ETS1: variants seen among roughly 807,000 people sequenced by gnomAD.
ETS1 encodes the protein ETS proto-oncogene 1, transcription factor, also known as protein C-ets-1.
ETS1 carries 15 observed loss-of-function variants against 58.6 expected under a neutral mutation model. That is an observed-to-expected ratio of 0.26 (90% CI 0.17 to 0.39). The LOEUF (loss-of-function observed/expected upper bound fraction) is 0.39. Among genes scored for constraint, ETS1 ranks in the 10% least tolerant of loss-of-function variants. ETS1 has a pLI of 1.00. For missense variants in ETS1, 417 were observed against 610.5 expected, an observed-to-expected ratio of 0.68 and a Z score of 3.34; for synonymous variants, 214 against 218.2, an observed-to-expected ratio of 0.98 and a Z score of 0.17.
chr11:128,480,503 A>AGGG (rs758294867), intron 7 of ETS1, 52 bp from the exon 8 acceptor site: 1 of 1,280,938 alleles, frequency 7.8e-7, no homozygotes, highest in African/African-American at 1.5e-5. Context: ...GGGAGTGGGA[A>AGGG]AAAAAAAAAA....
intron 2 of ETS1, among the ~76,000 whole-genome samples, chr11:128,559,287 G>T (rs1464173808): frequency 1.3e-5 from 2 of 152,200 alleles, no homozygotes; most frequent in Admixed American, 1.3e-4. Flanking sequence ...AATGTGCAGA[G>T]GACAGAGAAG....
chr11:128,485,307 G>A lies in ETS1; in HGVS notation c.614-236C>T, dbSNP rs187402614. On this transcript the variant is annotated intron_variant, in intron 6 of 9. Coordinates refer to ENST00000392668, the MANE Select transcript of ETS1 (RefSeq NM_001143820.2). ...TCATCTCTAAAATGGGGGTGATTGCGATTTTTCCCGGAGCACTGTGATGAA... is the reference window on the plus strand; with the variant it reads ...TCATCTCTAAAATGGGGGTGATTGCAATTTTTCCCGGAGCACTGTGATGAA... Among the ~76,000 whole-genome samples the A allele has an allele frequency of 5.3e-5, 8 of 152,274 alleles. No homozygotes were observed. The East Asian group carries it at 9.6e-4, about 18-fold the overall frequency.
chr11:128,563,690 A>G (rs1484025788), intron 2 of ETS1, among the ~76,000 whole-genome samples: 1 of 152,224 alleles, frequency 6.6e-6, no homozygotes, highest in Non-Finnish European at 1.5e-5. Context: ...GGTCTGTGAC[A>G]TACAATGTGC....
intron 7 of ETS1, among the ~76,000 whole-genome samples, chr11:128,484,073 T>C (rs575223463): frequency 2.0e-5 from 3 of 152,366 alleles, no homozygotes; most frequent in South Asian, 4.1e-4. Flanking sequence ...TTATGTCCTG[T>C]TCCTAAAAAT....
chr11:128,472,561 C>T (rs1862214873), intron 8 of ETS1, among the ~76,000 whole-genome samples: 1 of 152,242 alleles, frequency 6.6e-6, no homozygotes, highest in African/African-American at 2.4e-5. Flanking sequence ...CTGTTCTACT[C>T]AGTTCTCCTG....
chr11:128,464,442 T>C lies in ETS1; in HGVS notation c.1124-815A>G, dbSNP rs1304326234. ...ACACTCTGACAGTCAATTTATTCTA[T>C]GCTAAAAGGTTTATATCACACCGAT... On this transcript the variant is annotated intron_variant, in intron 8 of 9. Coordinates refer to ENST00000392668, the MANE Select transcript of ETS1 (RefSeq NM_001143820.2). The surrounding 1 kb of genome is among the most constrained non-coding windows in gnomAD (Gnocchi z 4.1). 1.3e-5 allele frequency among the ~76,000 whole-genome samples: 2 copies of C among 152,094 alleles called. No individual in the cohort carries two copies. Among genetic ancestry groups the C allele is most frequent in the East Asian group, 1.9e-4 (1 of 5,170 alleles).
chr11:128,468,950 T>C (rs1565366183), intron 8 of ETS1, among the ~76,000 whole-genome samples: 1 of 152,218 alleles, frequency 6.6e-6, no homozygotes, highest in African/African-American at 2.4e-5. Context: ...CCAGGTATGA[T>C]AGCTTGTCTT....
intron 3 of ETS1, among the ~76,000 whole-genome samples, chr11:128,548,634 T>C (rs1372933460): frequency 2.0e-5 from 3 of 152,266 alleles, no homozygotes; most frequent in Admixed American, 2.0e-4. Flanking sequence ...GTCTATTTCT[T>C]AAGCCCCGCT....
chr11:128,493,029 T>A (rs1862844532), intron 3 of ETS1, among the ~76,000 whole-genome samples: 1 of 152,142 alleles, frequency 6.6e-6, no homozygotes, highest in African/African-American at 2.4e-5. Flanking sequence ...GTTCCCTCCA[T>A]TAGATTTATG....
intron 1 of ETS1, among the ~76,000 whole-genome samples, chr11:128,584,991 G>GGAAAGAAAGA (rs1864953947): frequency 2.5e-4 from 3 of 11,806 alleles, no homozygotes; most frequent in Non-Finnish European, 3.5e-4. Context: ...AGAAAGAAAG[G>GGAAAGAAAGA]AAGGAAGGAA....
chr11:128,517,785 G>A (rs936385652), intron 3 of ETS1, among the ~76,000 whole-genome samples: 1 of 152,244 alleles, frequency 6.6e-6, no homozygotes. Flanking sequence ...CCTGGGCTCC[G>A]GGAGGTTGAC....
At chr11:128,574,164 AG>A (rs144105945) in intron 1 of ETS1, among the ~76,000 whole-genome samples, 10,471 of 152,316 alleles carry the variant, frequency 0.069, 528 homozygotes, top group South Asian at 0.14. Flanking sequence ...ATAGTTAAAC[AG>A]GCTTGGCAAT....
rs7126763 is a variant in ETS1, at chr11:128,546,460, C to T, written c.214+9831G>A. On this transcript the variant is annotated intron_variant, in intron 3 of 9. Coordinates refer to ENST00000392668, the MANE Select transcript of ETS1 (RefSeq NM_001143820.2). ...TACCAAAATTCATATACGCTCAAGT[C>T]CCTGATATAAAATGGTGTAGTATTT... Among the ~76,000 whole-genome samples, 677 of 152,222 alleles carry T rather than the reference C, an allele frequency of 4.4e-3. 7 individuals are homozygous for T. The highest frequency in any genetic ancestry group is 0.016 in the African/African-American group (652 of 41,522).
intron 3 of ETS1, among the ~76,000 whole-genome samples, chr11:128,554,259 C>T (rs1412180078): frequency 6.6e-6 from 1 of 152,144 alleles, no homozygotes; most frequent in Non-Finnish European, 1.5e-5. Flanking sequence ...GAGATTGCCC[C>T]CAACTGGTAG....
intron 3 of ETS1, among the ~76,000 whole-genome samples, chr11:128,491,812 G>A (rs1775562173): frequency 6.6e-6 from 1 of 152,160 alleles, no homozygotes; most frequent in South Asian, 2.1e-4. Flanking sequence ...AATCTATAAA[G>A]CTTGGTTAGT....
chr11:128,564,017 A>G (rs1273540944), intron 2 of ETS1, among the ~76,000 whole-genome samples: 3 of 151,934 alleles, frequency 2.0e-5, no homozygotes, highest in East Asian at 3.9e-4. Flanking sequence ...TACCCTCCCA[A>G]CCACCCTACG....
intron 2 of ETS1, among the ~76,000 whole-genome samples, chr11:128,571,309 T>G (rs1267410590): frequency 6.6e-6 from 1 of 151,550 alleles, no homozygotes; most frequent in East Asian, 2.0e-4. Flanking sequence ...CCAGCTACTC[T>G]GAGAGGCTGA....
At chr11:128,480,089 G>C in intron 8 of ETS1, 102 bp downstream of exon 8, 1 of 1,468,070 alleles carries the variant, frequency 6.8e-7, no homozygotes, top group Non-Finnish European at 9.2e-7. Context: ...CTGCAAAAGG[G>C]AGTCTCTCGT....
At position 128,573,066 on chromosome 11, in the gene ETS1, A is replaced by C. The variant is rs1591672928; in HGVS notation, c.65T>G (p.Val22Gly). Residue 22 changes from valine to glycine, a missense_variant, in exon 2 of 10, where the codon GTG becomes GGG. Around this residue, in one of 4 missense-constraint regions of ETS1, gnomAD observed 90 missense variants for 90.3 expected, o/e 1.00. Transcript: ENST00000392668. ...AGGGAAGGGGCCACCACTCACCACC[A>C]CTGCAGGACGAGGCGCTGAGTAAGG... ...PVPYSAPRPA[V>G]VRQGPSNTYE... 2 of 1,604,394 alleles carry C rather than the reference A, an allele frequency of 1.2e-6. No individual in the cohort carries two copies. Among genetic ancestry groups the C allele is most frequent in the Non-Finnish European group, 1.7e-6 (2 of 1,175,512 alleles).
Sources: allele counts gnomAD v4.1 joint callset (sites outside exome capture counted in the v4.1 genomes callset), GRCh38; gene constraint gnomAD v4.1.1; regional missense constraint gnomAD v4.1.1; non-coding constraint Gnocchi (gnomAD v3.1); transcripts MANE v1.5; gene names NCBI Gene and HGNC (gene_info 2026-07-23, HGNC 2026-07-21).